SLITRK5: variants seen among roughly 807,000 people sequenced by gnomAD.
The protein encoded by SLITRK5 is SLIT and NTRK-like protein 5.
A neutral mutation model predicts 56.2 loss-of-function variants in SLITRK5; 23 were observed. The observed-to-expected ratio is 0.41, with a 90% CI of 0.29 to 0.58. The LOEUF (loss-of-function observed/expected upper bound fraction) is 0.58, where lower values mean the gene tolerates loss of function less well. Among genes scored for constraint, SLITRK5 ranks in the 20% least tolerant of loss-of-function variants. SLITRK5 has a pLI of 0.30. For synonymous variants in SLITRK5, 637 were observed against 531.8 expected, an observed-to-expected ratio of 1.20 and a Z score of -2.72; for missense variants, 1,289 against 1,226.6, an observed-to-expected ratio of 1.05 and a Z score of -0.76.
At position 87,678,084 on chromosome 13, in the gene SLITRK5, A is replaced by G. The variant is rs1272025316; in HGVS notation, c.2696A>G (p.His899Arg). The G allele has an allele frequency of 2.5e-6, 4 of 1,614,068 alleles. No individual in the cohort carries two copies. The highest frequency in any genetic ancestry group is 2.5e-6 in the Non-Finnish European group (3 of 1,179,954). Reference sequence around the variant, plus strand: ...CCCAACTATGACCTGAGACGCCCCCATCAGTATTTGCACCCGGGGGCAGGG... The same window carrying G: ...CCCAACTATGACCTGAGACGCCCCCGTCAGTATTTGCACCCGGGGGCAGGG... ...FSPNYDLRRP[H>R]QYLHPGAGDS... The change falls in exon 2 of 2, where the codon CAT becomes CGT. Residue 899 changes from histidine to arginine, a missense_variant. His to Arg is a conservative substitution (Grantham distance 29, BLOSUM62 0). Coordinates refer to ENST00000683689, the MANE Select transcript of SLITRK5 (RefSeq NM_001384609.1).
Position 87,678,821 on chromosome 13 carries a change from T to G in SLITRK5, c.*556T>G, listed in dbSNP as rs1877413106. ...CCTTCTCATTCCTTTTCTTTGTTTT[T>G]AAAGGATGTGTTTGTATGCATTCTG... On this transcript the variant is annotated 3_prime_UTR_variant, in exon 2 of 2. Transcript: ENST00000683689. 1 of 167,134 alleles carries G rather than the reference T, an allele frequency of 6.0e-6. No homozygotes were observed. Among genetic ancestry groups the G allele is most frequent in the South Asian group, 2.1e-4 (1 of 4,808 alleles). 10.4% of individuals were successfully genotyped at this position (167,134 alleles called of 1,614,324 possible).
At chr13:87,673,004 C>G (rs984762370) in intron 1 of SLITRK5, among the ~76,000 whole-genome samples, 1 of 150,734 alleles carries the variant, frequency 6.6e-6, no homozygotes, top group South Asian at 2.1e-4. Context: ...GAGGGGGAGC[C>G]TCGCGTCCTG....
chr13:87,675,179 TAATC>T (rs1331261466), intron 1 of SLITRK5, among the ~76,000 whole-genome samples, 198 bp from the exon 2 acceptor site: 1 of 152,170 alleles, frequency 6.6e-6, no homozygotes, highest in Non-Finnish European at 1.5e-5. Flanking sequence ...TTAAAAAAAT[TAATC>T]AACCTTTAAA....
At chr13:87,672,860 T>TGTGTG (rs1555296977) in intron 1 of SLITRK5, 10 of 52,160 alleles carry the variant, frequency 1.9e-4, no homozygotes, top group African/African-American at 6.1e-4. Context: ...AAGAGGTGTG[T>TGTGTG]GTGTGTGTGT....
chr13:87,677,578 C>G lies in SLITRK5; in HGVS notation c.2190C>G (p.His730Gln), dbSNP rs752722958. The G allele has an allele frequency of 1.9e-6, 3 of 1,609,586 alleles. No homozygotes were observed. The highest frequency in any genetic ancestry group is 2.2e-5 in the East Asian group (1 of 44,684). ...GCACGGGCGGCCACCCACACGCGCA[C>G]GTGCATCACCGCGGGCCCGCGCTGC... The part of the protein sequence containing the change: ...GGGTGGHPHA[H>Q]VHHRGPALPK... Residue 730 changes from histidine (H) to glutamine (Q), a missense_variant, in exon 2 of 2, where the codon CAC (histidine) becomes CAG (glutamine). Transcript: ENST00000683689. The surrounding 1 kb of genome is among the most constrained non-coding windows in gnomAD (Gnocchi z 4.7).
At chr13:87,674,285 AAGAG>A (rs779232993) in intron 1 of SLITRK5, 1 of 574,032 alleles carries the variant, frequency 1.7e-6, no homozygotes, top group Non-Finnish European at 2.2e-6. Flanking sequence ...GATTAAAAAA[AAGAG>A]AGAGGGGAGC....
At position 87,671,740 on chromosome 13, in the gene SLITRK5, G is replaced by T. The variant is rs1001432538; in HGVS notation, c.-478G>T. ...CAGAAAAAAACCCTGCAAACACCGT[G>T]AGGATGAAACTGCCAAAGGGATGCA... On this transcript the variant is annotated 5_prime_UTR_variant, in exon 1 of 2. Coordinates refer to ENST00000683689, the MANE Select transcript of SLITRK5 (RefSeq NM_001384609.1). Among the ~76,000 whole-genome samples the T allele has an allele frequency of 2.0e-5, 3 of 152,138 alleles. No homozygotes were observed. The highest frequency in any genetic ancestry group is 7.2e-5 in the African/African-American group (3 of 41,448).
In SLITRK5 at chr13:87,676,924, G is replaced by T; in HGVS notation, c.1536G>T (p.Leu512Phe). ...DPVPNLQLLF[L>F]NNNLLQAMPS... ...TCCCAAACCTCCAGCTGCTATTCTT[G>T]AATAACAACCTCCTGCAGGCCATGC... The change falls in exon 2 of 2, where the codon TTG (leucine) becomes TTT (phenylalanine). Residue 512 changes from leucine (L) to phenylalanine (F), a missense_variant. Physicochemically the swap from Leu to Phe is conservative, Grantham distance 22 (BLOSUM62 0). Transcript: ENST00000683689. 1 of 1,614,114 alleles carries T rather than the reference G, an allele frequency of 6.2e-7. No homozygotes were observed. Among genetic ancestry groups the T allele is most frequent in the Non-Finnish European group, 8.5e-7 (1 of 1,180,024 alleles).
Position 87,675,873 on chromosome 13 carries a change from A to G in SLITRK5, c.485A>G (p.Tyr162Cys). The G allele has an allele frequency of 6.2e-7, 1 of 1,614,170 alleles. No individual in the cohort carries two copies. The highest frequency in any genetic ancestry group is 1.1e-5 in the South Asian group (1 of 91,078). The change falls in exon 2 of 2, where the codon TAC (tyrosine) becomes TGC (cysteine). Residue 162 changes from tyrosine (Y) to cysteine (C), a missense_variant. Physicochemically the swap from Tyr to Cys is radical, Grantham distance 194. Coordinates refer to ENST00000683689, the MANE Select transcript of SLITRK5 (RefSeq NM_001384609.1). ...AACCTGGAGTACCTACAGGTCGATT[A>G]CAACTACATCAGCGTCATTGAACCC... ...LENLEYLQVDYNYISVIEPNA... is the reference protein window; with the variant it reads ...LENLEYLQVDCNYISVIEPNA...
chr13:87,678,172 C>T lies in SLITRK5; in HGVS notation c.2784C>T (p.Asn928=), dbSNP rs761762518. 1 of 1,614,210 alleles carries T rather than the reference C, an allele frequency of 6.2e-7. No individual in the cohort carries two copies. The highest frequency in any genetic ancestry group is 1.1e-5 in the South Asian group (1 of 91,090). ...CGAGTGCTGTCTTTGTAGAACCCAA[C>T]CGGAACGAATATCTGGAGTTAAAAG... The part of the protein sequence containing the change: ...SPPSAVFVEP[N]RNEYLELKAK... The change falls in exon 2 of 2, where the codon AAC becomes AAT. Residue 928 remains asparagine, a synonymous_variant. Coordinates refer to ENST00000683689, the MANE Select transcript of SLITRK5 (RefSeq NM_001384609.1).
Position 87,677,551 on chromosome 13 carries a change from C to T in SLITRK5, c.2163C>T (p.Gly721=). 2 of 1,608,078 alleles carry T rather than the reference C, an allele frequency of 1.2e-6. No individual in the cohort carries two copies. Among genetic ancestry groups the T allele is most frequent in the South Asian group, 1.1e-5 (1 of 90,896 alleles). ...AGTACAGCGTGTACGGCGGCGGCGGCGGCACGGGCGGCCACCCACACGCGC... is the reference window on the plus strand; with the variant it reads ...AGTACAGCGTGTACGGCGGCGGCGGTGGCACGGGCGGCCACCCACACGCGC... The part of the protein sequence containing the change: ...NMQYSVYGGG[G]GTGGHPHAHV... Residue 721 remains glycine, a synonymous_variant, in exon 2 of 2, where the codon GGC becomes GGT. Transcript: ENST00000683689. This position sits in a 1 kb window ranked among gnomAD's most constrained non-coding sequence, Gnocchi z 4.7.
intron 1 of SLITRK5, chr13:87,673,666 G>A: frequency 4.0e-6 from 2 of 506,262 alleles, no homozygotes; most frequent in Non-Finnish European, 7.3e-6. Flanking sequence ...GGGGATACTT[G>A]CGAGGTTTAT....
rs751923118 is a variant in SLITRK5 at position 87,679,071 on chromosome 13, A to G, written c.*806A>G. On this transcript the variant is annotated 3_prime_UTR_variant, in exon 2 of 2. Transcript: ENST00000683689. ...TGATTTTGCAGAGGTGTCACACTGT[A>G]TTAGGATCTGCATTTCTAAAACTGA... is the stretch of plus-strand genomic sequence containing the variant. 6.0e-5 allele frequency: 10 copies of G among 166,870 alleles called. No homozygotes were observed. Among genetic ancestry groups the G allele is most frequent in the Non-Finnish European group, 1.0e-4 (7 of 68,090 alleles). 10.3% of individuals were successfully genotyped at this position (166,870 alleles called of 1,614,324 possible). A position where few individuals can be genotyped will look rare whatever the true frequency, so the allele number is the denominator to read the frequency against.
rs200759559 is a variant in SLITRK5, at chr13:87,678,060, C to T, written c.2672C>T (p.Pro891Leu). 133 of 1,614,142 alleles carry T rather than the reference C, an allele frequency of 8.2e-5. 2 individuals are homozygous for T. In the East Asian group the frequency reaches 1.9e-3, roughly 24 times the overall value. Residue 891 changes from proline to leucine, a missense_variant, in exon 2 of 2, where the codon CCC becomes CTC. Physicochemically the swap from Pro to Leu is moderately conservative, Grantham distance 98 (BLOSUM62 -3). This residue lies in a region of SLITRK5 where 985 missense variants were observed against 906.0 expected (regional missense o/e 1.09). Transcript: ENST00000683689. Reference sequence around the variant, plus strand: ...AGCCCCGCTGCTTACACTTTCTCCCCCAACTATGACCTGAGACGCCCCCAT... The same window carrying T: ...AGCCCCGCTGCTTACACTTTCTCCCTCAACTATGACCTGAGACGCCCCCAT... The part of the protein sequence containing the change: ...PCSPAAYTFS[P>L]NYDLRRPHQY...
At position 87,677,758 on chromosome 13, in the gene SLITRK5, C is replaced by T. The variant is rs534670956; in HGVS notation, c.2370C>T (p.His790=). 2.4e-4 allele frequency: 379 copies of T among 1,612,712 alleles called. 8 individuals carry two copies. The South Asian group carries it at 4.1e-3, about 17-fold the overall frequency. Residue 790 remains histidine (H), a synonymous_variant, in exon 2 of 2, where the codon CAC becomes CAT. Transcript: ENST00000683689. This position sits in a 1 kb window ranked among gnomAD's most constrained non-coding sequence, Gnocchi z 4.7. ...TCAAGGTCACCTACAGCAGCAACCACCACCTGCAGCAGCAGCAGCAGCCGC... is the reference window on the plus strand; with the variant it reads ...TCAAGGTCACCTACAGCAGCAACCATCACCTGCAGCAGCAGCAGCAGCCGC... ...HELKVTYSSN[H]HLQQQQQPPP... is the part of the protein sequence containing the mutation.
Position 87,671,975 on chromosome 13 carries a change from A to T in SLITRK5, c.-243A>T, listed in dbSNP as rs1877049731. ...ACCATGTACAGTGTGCGCTGCAAGAAGAAGGCGGGAGATGCATGCACACCC... is the reference window on the plus strand; with the variant it reads ...ACCATGTACAGTGTGCGCTGCAAGATGAAGGCGGGAGATGCATGCACACCC... On this transcript the variant is annotated 5_prime_UTR_variant, in exon 1 of 2. In the 5' UTR this introduces an upstream ATG that the reference lacks. Coordinates refer to ENST00000683689, the MANE Select transcript of SLITRK5 (RefSeq NM_001384609.1). Among the ~76,000 whole-genome samples the T allele has an allele frequency of 6.6e-6, 1 of 152,094 alleles. No individual in the cohort carries two copies. Among genetic ancestry groups the T allele is most frequent in the Admixed American group, 6.5e-5 (1 of 15,280 alleles).
rs1417141372 is a variant in SLITRK5, at chr13:87,675,667, G to A, written c.279G>A (p.Leu93=). 3 of 1,614,084 alleles carry A rather than the reference G, an allele frequency of 1.9e-6. No individual in the cohort carries two copies. The East Asian group carries it at 6.7e-5, about 36-fold the overall frequency. ...ACCTCTTGTTGTCCGGAAACCTTTT[G>A]AACCGTCTCTATCCCAATGAGTTTG... The part of the protein sequence containing the change: ...IYHLLLSGNL[L]NRLYPNEFVN... Residue 93 remains leucine, a synonymous_variant, in exon 2 of 2, where the codon TTG becomes TTA. Coordinates refer to ENST00000683689, the MANE Select transcript of SLITRK5 (RefSeq NM_001384609.1).
At chr13:87,672,857 GTGTGTGT>G (rs1566318064) in intron 1 of SLITRK5, 4 of 18,204 alleles carry the variant, frequency 2.2e-4, no homozygotes, top group Middle Eastern at 0.056. Context: ...CAAAAGAGGT[GTGTGTGT>G]GTGTGTGTGT....
In SLITRK5 at chr13:87,678,111, A is replaced by T. The variant is rs918688744; in HGVS notation, c.2723A>T (p.Asp908Val). ...CAGTATTTGCACCCGGGGGCAGGGG[A>T]CAGCAGGCTACGGGAACCGGTGCTC... is the stretch of plus-strand genomic sequence containing the variant. ...PHQYLHPGAGDSRLREPVLYS... is the reference protein window; with the variant it reads ...PHQYLHPGAGVSRLREPVLYS... Residue 908 changes from aspartate (D) to valine (V), a missense_variant, in exon 2 of 2, where the codon GAC becomes GTC. By Grantham distance (152) the Asp-to-Val change is radical (BLOSUM62 -3). Transcript: ENST00000683689. The T allele has an allele frequency of 2.5e-6, 4 of 1,614,206 alleles. No homozygotes were observed. The highest frequency in any genetic ancestry group is 3.4e-6 in the Non-Finnish European group (4 of 1,180,036).
Sources: gnomAD v4.1 joint callset for allele counts (sites outside exome capture counted in the v4.1 genomes callset) on GRCh38, gnomAD v4.1.1 for gene constraint, gnomAD v4.1.1 regional missense constraint, Gnocchi (gnomAD v3.1) non-coding constraint, MANE v1.5 for transcripts, NCBI Gene and HGNC (gene_info 2026-07-23, HGNC 2026-07-21) for gene names.